STIM1: variants seen among roughly 807,000 people sequenced by gnomAD.
STIM1 encodes the protein stromal interaction molecule 1.
In STIM1, 25 loss-of-function variants were observed where a neutral mutation model predicts 74.7. The observed-to-expected ratio is 0.33, with a 90% confidence interval of 0.24 to 0.47. The LOEUF (loss-of-function observed/expected upper bound fraction) is 0.47. Ranked by LOEUF, STIM1 falls within the 20% of genes least tolerant of loss-of-function variation. The pLI is 1.00. For missense variants in STIM1, 728 were observed against 920.8 expected, an observed-to-expected ratio of 0.79 and a Z score of 2.71; for synonymous variants, 328 against 348.8, an observed-to-expected ratio of 0.94 and a Z score of 0.66.
chr11:3,991,915 A>C (rs1245004963), intron 2 of STIM1, among the ~76,000 whole-genome samples: 1 of 130,850 alleles, frequency 7.6e-6, no homozygotes, highest in African/African-American at 2.8e-5. Context: ...GTGCCATTGC[A>C]CTCCAGCCTG....
chr11:3,889,325 A>C (rs953142188), intron 1 of STIM1, among the ~76,000 whole-genome samples: 1 of 151,788 alleles, frequency 6.6e-6, no homozygotes, highest in Non-Finnish European at 1.5e-5. Context: ...TTGAATGCCT[A>C]CTATGTGCCA....
At chr11:3,997,670 G>A (rs754281367) in intron 2 of STIM1, among the ~76,000 whole-genome samples, 42 of 152,244 alleles carry the variant, frequency 2.8e-4, no homozygotes, top group Middle Eastern at 3.4e-3. Context: ...TTGTACAGGT[G>A]AAAAGCCTGG....
At chr11:3,974,157 C>T (rs913979520) in intron 2 of STIM1, 3 of 599,426 alleles carry the variant, frequency 5.0e-6, no homozygotes, top group South Asian at 3.9e-5. Context: ...TGGACCCTCA[C>T]TGGTCATTTC....
At chr11:3,896,800 A>G (rs1468870773) in intron 1 of STIM1, among the ~76,000 whole-genome samples, 1 of 152,184 alleles carries the variant, frequency 6.6e-6, no homozygotes, top group African/African-American at 2.4e-5. Context: ...TCTCATCACT[A>G]TAGTACTATA....
intron 2 of STIM1, among the ~76,000 whole-genome samples, chr11:4,013,690 CTTTTTTT>C (rs1169600270): frequency 9.4e-4 from 49 of 51,910 alleles, no homozygotes; most frequent in Non-Finnish European, 1.2e-3. Flanking sequence ...TCATTGATTT[CTTTTTTT>C]TTTTTTTTTT....
chr11:4,085,323 A>C (rs1449668034), intron 11 of STIM1, among the ~76,000 whole-genome samples: 4 of 152,156 alleles, frequency 2.6e-5, no homozygotes, highest in Non-Finnish European at 5.9e-5. Context: ...TTTAGGTAGA[A>C]TGCAGGGAAG....
intron 2 of STIM1, among the ~76,000 whole-genome samples, chr11:4,003,744 T>C (rs1330475196): frequency 6.6e-6 from 1 of 152,238 alleles, no homozygotes; most frequent in South Asian, 2.1e-4. Flanking sequence ...CCAGGGCAAC[T>C]AGGCAGAAGA....
chr11:3,984,516 A>C (rs778759453), intron 2 of STIM1, among the ~76,000 whole-genome samples: 2 of 152,202 alleles, frequency 1.3e-5, no homozygotes, highest in Non-Finnish European at 2.9e-5. Context: ...CCTTGTAAGT[A>C]CTTATAGGGT....
chr11:4,069,308 C>T (rs1003809457), intron 5 of STIM1, among the ~76,000 whole-genome samples: 2 of 152,016 alleles, frequency 1.3e-5, no homozygotes, highest in Admixed American at 6.6e-5. Context: ...TTCTTTGAAC[C>T]CCAGCTGGTG....
intron 1 of STIM1, among the ~76,000 whole-genome samples, chr11:3,897,223 T>C (rs929287575): frequency 3.3e-5 from 5 of 152,148 alleles, no homozygotes; most frequent in African/African-American, 1.2e-4. Flanking sequence ...AAATCTGGCT[T>C]GAGTTCCATA....
chr11:3,879,859 T>C (rs1338332538), intron 1 of STIM1, among the ~76,000 whole-genome samples: 2 of 152,208 alleles, frequency 1.3e-5, no homozygotes, highest in Non-Finnish European at 2.9e-5. Flanking sequence ...CAGTGAATGG[T>C]AAAGTAGCCC....
intron 2 of STIM1, among the ~76,000 whole-genome samples, chr11:3,993,111 A>G (rs768050867): frequency 6.6e-6 from 1 of 151,716 alleles, no homozygotes; most frequent in Non-Finnish European, 1.5e-5. Flanking sequence ...TCTCCTCAAA[A>G]CTTCATTTTT....
At chr11:3,892,043 G>A (rs916256384) in intron 1 of STIM1, among the ~76,000 whole-genome samples, 1 of 152,152 alleles carries the variant, frequency 6.6e-6, no homozygotes, top group Non-Finnish European at 1.5e-5. Flanking sequence ...ATAGAAATTT[G>A]GTAAATGTTT....
chr11:4,083,985 A>G (rs1039800634), intron 10 of STIM1, among the ~76,000 whole-genome samples: 1 of 152,210 alleles, frequency 6.6e-6, no homozygotes, highest in Non-Finnish European at 1.5e-5. Flanking sequence ...AAATCCTCTA[A>G]GCTGGAAAGG....
chr11:3,869,114 G>A (rs991764659), intron 1 of STIM1, among the ~76,000 whole-genome samples: 15 of 152,060 alleles, frequency 9.9e-5, no homozygotes, highest in African/African-American at 1.9e-4. Flanking sequence ...GACTACAGGC[G>A]CCAGCCACCA....
chr11:3,914,846 A>G (rs1409029684), intron 1 of STIM1, among the ~76,000 whole-genome samples: 2 of 152,196 alleles, frequency 1.3e-5, no homozygotes, highest in African/African-American at 4.8e-5. Flanking sequence ...CATAGCAGCT[A>G]TACCATTTTA....
At chr11:3,864,982 ATCCTAGGCTGCAG>A (rs1386788351) in intron 1 of STIM1, among the ~76,000 whole-genome samples, 2 of 152,128 alleles carry the variant, frequency 1.3e-5, no homozygotes, top group Non-Finnish European at 2.9e-5. Flanking sequence ...CTAGCTTTTT[ATCCTAGGCTGCAG>A]TCCTGCCTAC....
chr11:3,948,260 T>C (rs1383053941), intron 1 of STIM1, among the ~76,000 whole-genome samples: 1 of 152,142 alleles, frequency 6.6e-6, no homozygotes, highest in African/African-American at 2.4e-5. Context: ...CTATCTACCC[T>C]TTCTCAAGCT....
chr11:4,021,415 C>T (rs1218300867), intron 2 of STIM1, among the ~76,000 whole-genome samples: 4 of 152,222 alleles, frequency 2.6e-5, no homozygotes, highest in African/African-American at 4.8e-5. Flanking sequence ...CATGAGCCAC[C>T]GTGCCCGGCC....
Sources: allele counts gnomAD v4.1 joint callset (sites outside exome capture counted in the v4.1 genomes callset), GRCh38; gene constraint gnomAD v4.1.1; transcripts MANE v1.5; gene names NCBI Gene and HGNC (gene_info 2026-07-23, HGNC 2026-07-21).